CCSER1: variants seen among roughly 807,000 people sequenced by gnomAD.
CCSER1 encodes the protein serine-rich coiled-coil domain-containing protein 1.
A neutral mutation model predicts 82.0 loss-of-function variants in CCSER1; 41 were observed. The observed-to-expected ratio is 0.50, with a 90% CI of 0.39 to 0.65. CCSER1 has a LOEUF of 0.65. Ranked by LOEUF, CCSER1 falls within the 30% of genes least tolerant of loss-of-function variation. CCSER1 has a pLI of 0.00. For missense variants in CCSER1, 1,119 were observed against 1,064.2 expected, an observed-to-expected ratio of 1.05 and a Z score of -0.72; for synonymous variants, 414 against 383.9, an observed-to-expected ratio of 1.08 and a Z score of -0.92.
At chr4:90,725,275 G>A (rs1374882854) in intron 7 of CCSER1, among the ~76,000 whole-genome samples, 1 of 151,504 alleles carries the variant, frequency 6.6e-6, no homozygotes, top group East Asian at 1.9e-4. Flanking sequence ...AATGATTACA[G>A]TCTTTGAAAA....
chr4:91,378,962 G>T (rs1228537435), intron 10 of CCSER1, among the ~76,000 whole-genome samples: 1 of 152,096 alleles, frequency 6.6e-6, no homozygotes, highest in Non-Finnish European at 1.5e-5. Flanking sequence ...TAGCATGAAG[G>T]GCTGTTGAAT....
intron 9 of CCSER1, among the ~76,000 whole-genome samples, chr4:90,968,170 G>C (rs1391481722): frequency 6.6e-6 from 1 of 151,410 alleles, no homozygotes; most frequent in East Asian, 1.9e-4. Context: ...ACAGACACCA[G>C]AGAACAGAAC....
At chr4:90,630,421 G>T (rs991871230) in intron 6 of CCSER1, among the ~76,000 whole-genome samples, 5 of 152,170 alleles carry the variant, frequency 3.3e-5, no homozygotes, top group African/African-American at 1.2e-4. Context: ...AATATTCAGT[G>T]ATATTCACTA....
At chr4:90,682,466 T>C (rs1368013854) in intron 6 of CCSER1, among the ~76,000 whole-genome samples, 5 of 152,170 alleles carry the variant, frequency 3.3e-5, no homozygotes, top group Middle Eastern at 3.4e-3. Flanking sequence ...AAAGGACCTG[T>C]ATTAGTTAAG....
intron 6 of CCSER1, among the ~76,000 whole-genome samples, chr4:90,675,408 T>A (rs1262857971): frequency 3.3e-5 from 5 of 152,150 alleles, no homozygotes; most frequent in South Asian, 4.1e-4. Context: ...ATGTGTATTG[T>A]ACAGCTAGTT....
At chr4:90,883,534 CTG>C (rs1308163740) in intron 8 of CCSER1, among the ~76,000 whole-genome samples, 1 of 152,094 alleles carries the variant, frequency 6.6e-6, no homozygotes, top group Non-Finnish European at 1.5e-5. Context: ...TGAAGAAAGT[CTG>C]AGATTTTTTT....
At chr4:90,493,202 C>G (rs906177236) in intron 5 of CCSER1, among the ~76,000 whole-genome samples, 1 of 151,930 alleles carries the variant, frequency 6.6e-6, no homozygotes, top group African/African-American at 2.4e-5. Context: ...AGTGAGAAGA[C>G]AAGTTTAGAG....
At chr4:91,207,617 A>G (rs137987587) in intron 10 of CCSER1, among the ~76,000 whole-genome samples, 108 of 151,906 alleles carry the variant, frequency 7.1e-4, no homozygotes, top group African/African-American at 2.5e-3. Context: ...CATTTTCTTT[A>G]TCCAGTCTAC....
At position 91,220,153 on chromosome 4, in the gene CCSER1, G is replaced by A. The variant is rs1040580565; in HGVS notation, c.2217+134159G>A. 5.9e-5 allele frequency among the ~76,000 whole-genome samples: 9 copies of A among 152,272 alleles called. No individual in the cohort carries two copies. The East Asian group carries it at 1.4e-3, about 23-fold the overall frequency. Reference sequence around the variant, plus strand: ...CATGTTAAAACGTAGGCCAAAGGTAGCAAGTGACAGATAGATTATTATTGT... The same window carrying A: ...CATGTTAAAACGTAGGCCAAAGGTAACAAGTGACAGATAGATTATTATTGT... On this transcript the variant is annotated intron_variant, in intron 10 of 10. Coordinates refer to ENST00000509176, the MANE Select transcript of CCSER1 (RefSeq NM_001145065.2).
At chr4:90,870,228 T>C (rs1580855689) in intron 8 of CCSER1, among the ~76,000 whole-genome samples, 1 of 152,100 alleles carries the variant, frequency 6.6e-6, no homozygotes. Flanking sequence ...TCCAGTACTA[T>C]GTTGAATAAC....
intron 5 of CCSER1, among the ~76,000 whole-genome samples, chr4:90,480,276 A>G (rs942351312): frequency 6.6e-6 from 1 of 152,168 alleles, no homozygotes; most frequent in African/African-American, 2.4e-5. Flanking sequence ...TCTGGATATT[A>G]GCCCTTTGTC....
intron 6 of CCSER1, among the ~76,000 whole-genome samples, chr4:90,715,507 T>A (rs1338692495): frequency 1.3e-5 from 2 of 151,928 alleles, no homozygotes; most frequent in African/African-American, 4.8e-5. Context: ...AAGATCAGAG[T>A]AGAGCTAAGA....
At chr4:90,562,827 C>T (rs1778932657) in intron 5 of CCSER1, among the ~76,000 whole-genome samples, 1 of 147,166 alleles carries the variant, frequency 6.8e-6, no homozygotes, top group Non-Finnish European at 1.5e-5. Context: ...CTTGAGCCAT[C>T]ATGCCCAGCC....
At chr4:91,594,410 C>A (rs927106198) in intron 10 of CCSER1, among the ~76,000 whole-genome samples, 1 of 119,084 alleles carries the variant, frequency 8.4e-6, no homozygotes, top group African/African-American at 3.0e-5. Flanking sequence ...CACATATATA[C>A]ACATATATAT....
chr4:90,822,203 T>C (rs1384129767), intron 8 of CCSER1, among the ~76,000 whole-genome samples: 1 of 152,210 alleles, frequency 6.6e-6, no homozygotes, highest in Non-Finnish European at 1.5e-5. Flanking sequence ...TAGACGGTGC[T>C]GTGAATTTAC....
chr4:90,277,032 C>A (rs1270255469), intron 1 of CCSER1, among the ~76,000 whole-genome samples: 1 of 151,882 alleles, frequency 6.6e-6, no homozygotes, highest in African/African-American at 2.4e-5. Context: ...GGTATAGAAT[C>A]ATATTGTCTG....
chr4:90,249,460 A>C (rs942287581), intron 1 of CCSER1, among the ~76,000 whole-genome samples: 1 of 152,126 alleles, frequency 6.6e-6, no homozygotes, highest in African/African-American at 2.4e-5. Context: ...TTACCCCCAA[A>C]AGAAATGCAA....
chr4:91,601,360 T>C lies in CCSER1; in HGVS notation c.*2303T>C, dbSNP rs987779816. 1 of 152,052 alleles carries C rather than the reference T, an allele frequency of 6.6e-6. No homozygotes were observed. Among genetic ancestry groups the C allele is most frequent in the Non-Finnish European group, 1.5e-5 (1 of 67,954 alleles). 9.4% of individuals were successfully genotyped at this position (152,052 alleles called of 1,614,324 possible). ...TAAAAGGAAGGGTATTTTTTGGAAA[T>C]ATCATCTTAAAGCTGTTTTGTATCA... On this transcript the variant is annotated 3_prime_UTR_variant, in exon 11 of 11. Coordinates refer to ENST00000509176, the MANE Select transcript of CCSER1 (RefSeq NM_001145065.2).
At chr4:90,386,710 C>A (rs1025916004) in intron 3 of CCSER1, among the ~76,000 whole-genome samples, 1 of 152,130 alleles carries the variant, frequency 6.6e-6, no homozygotes, top group Non-Finnish European at 1.5e-5. Context: ...AAAGGACAAC[C>A]TACAGAATGG....
Sources: allele counts gnomAD v4.1 joint callset (sites outside exome capture counted in the v4.1 genomes callset), GRCh38; gene constraint gnomAD v4.1.1; transcripts MANE v1.5; gene names NCBI Gene and HGNC (gene_info 2026-07-23, HGNC 2026-07-21).